Variants in SLC35F2 observed in about 807,000 individuals in gnomAD.
SLC35F2 encodes the protein queuine/queuosine transporter SLC35F2.
A neutral mutation model predicts 38.1 loss-of-function variants in SLC35F2; 25 were observed. That is an observed-to-expected ratio of 0.66 (90% CI 0.48 to 0.92). The LOEUF (loss-of-function observed/expected upper bound fraction) is 0.92. Ranked by LOEUF, SLC35F2 falls within the 40% of genes least tolerant of loss-of-function variation. SLC35F2 has a pLI of 0.00. For missense variants in SLC35F2, 409 were observed against 452.9 expected (o/e 0.90, Z 0.88); for synonymous variants, 173 against 181.7 (o/e 0.95, Z 0.38).
chr11:107,850,897 C>T (rs1388223263), intron 1 of SLC35F2, among the ~76,000 whole-genome samples: 1 of 152,014 alleles, frequency 6.6e-6, no homozygotes, highest in Non-Finnish European at 1.5e-5. Context: ...CCTGTAATCC[C>T]AGCACTTTGG....
At chr11:107,828,053 G>A in intron 1 of SLC35F2, among the ~76,000 whole-genome samples, 1 of 152,150 alleles carries the variant, frequency 6.6e-6, no homozygotes, top group East Asian at 1.9e-4. Flanking sequence ...AGAAAACTAA[G>A]GATTGAATCT....
chr11:107,818,230 G>A (rs1380149921), intron 1 of SLC35F2, among the ~76,000 whole-genome samples: 1 of 151,938 alleles, frequency 6.6e-6, no homozygotes, highest in Non-Finnish European at 1.5e-5. Flanking sequence ...CCAGGAGTTT[G>A]AGACCAGCTC....
intron 1 of SLC35F2, among the ~76,000 whole-genome samples, chr11:107,852,702 T>C (rs1341355569): frequency 2.0e-5 from 3 of 151,108 alleles, no homozygotes; most frequent in African/African-American, 7.3e-5. Flanking sequence ...CAAAACCCTG[T>C]CTCTACAAAA....
intron 1 of SLC35F2, among the ~76,000 whole-genome samples, chr11:107,825,650 G>A (rs958162001): frequency 6.6e-5 from 10 of 151,916 alleles, no homozygotes; most frequent in African/African-American, 2.4e-4. Context: ...GATTACAGTC[G>A]TGAGCCACCG....
chr11:107,856,446 C>T (rs1435763191), intron 1 of SLC35F2, among the ~76,000 whole-genome samples: 1 of 151,950 alleles, frequency 6.6e-6, no homozygotes, highest in African/African-American at 2.4e-5. Context: ...TGTAATCCCA[C>T]TACTTTGGGA....
intron 7 of SLC35F2, 129 bp from the exon 8 acceptor site, chr11:107,792,929 CTTTT>C: frequency 5.0e-6 from 4 of 795,712 alleles, no homozygotes; most frequent in Non-Finnish European, 6.7e-6. Flanking sequence ...TTCTTTCTTT[CTTTT>C]TAAGACAGGG....
At chr11:107,839,802 C>T (rs183194999) in intron 1 of SLC35F2, among the ~76,000 whole-genome samples, 61 of 152,108 alleles carry the variant, frequency 4.0e-4, no homozygotes, top group African/African-American at 1.4e-3. Flanking sequence ...TACAGGCATG[C>T]GCCACCACGC....
chr11:107,797,780 G>T (rs1306519487), intron 7 of SLC35F2, among the ~76,000 whole-genome samples: 1 of 152,008 alleles, frequency 6.6e-6, no homozygotes, highest in Admixed American at 6.6e-5. Flanking sequence ...TGGATTAAAT[G>T]ATAATGCAAA....
chr11:107,817,796 C>A (rs183574578), intron 1 of SLC35F2, among the ~76,000 whole-genome samples: 2 of 151,974 alleles, frequency 1.3e-5, no homozygotes, highest in Admixed American at 6.6e-5. Context: ...CGGTGGCTCA[C>A]GCTTGTAATC....
intron 3 of SLC35F2, among the ~76,000 whole-genome samples, chr11:107,807,756 G>A (rs1309090305): frequency 6.6e-6 from 1 of 152,094 alleles, no homozygotes; most frequent in East Asian, 1.9e-4. Flanking sequence ...GTATCTTTTA[G>A]TAGAGATGGG....
At chr11:107,851,489 TA>T (rs34329358) in intron 1 of SLC35F2, among the ~76,000 whole-genome samples, 8 of 124,696 alleles carry the variant, frequency 6.4e-5, no homozygotes, top group African/African-American at 9.1e-5. Context: ...AAAAATAAAT[TA>T]AAAAAAAAAA....
intron 1 of SLC35F2, among the ~76,000 whole-genome samples, chr11:107,841,982 C>T (rs1055583189): frequency 9.2e-5 from 14 of 151,366 alleles, no homozygotes; most frequent in Non-Finnish European, 1.5e-4. Context: ...AGGAGAATTG[C>T]GTGAACCCAG....
chr11:107,827,748 C>CAA (rs34012776), intron 1 of SLC35F2, among the ~76,000 whole-genome samples: 6,023 of 130,560 alleles, frequency 0.046, 173 homozygotes, highest in Non-Finnish European at 0.072. Flanking sequence ...GACTCTGTCT[C>CAA]AAAAAAAAAA....
intron 1 of SLC35F2, among the ~76,000 whole-genome samples, chr11:107,832,908 T>C (rs116753999): frequency 0.01 from 1,545 of 152,280 alleles, 40 homozygotes; most frequent in African/African-American, 0.036. Flanking sequence ...GTTTAATCCT[T>C]GTGGCTAATT....
intron 1 of SLC35F2, among the ~76,000 whole-genome samples, chr11:107,846,753 C>T (rs1448918293): frequency 6.6e-6 from 1 of 151,984 alleles, no homozygotes; most frequent in African/African-American, 2.4e-5. Flanking sequence ...CCAACACGGT[C>T]AAACCCTCTC....
intron 1 of SLC35F2, among the ~76,000 whole-genome samples, chr11:107,821,834 C>A (rs1005144194): frequency 2.6e-5 from 4 of 152,302 alleles, no homozygotes; most frequent in African/African-American, 9.6e-5. Context: ...ACACAGCAAA[C>A]AAGAGTTATG....
intron 1 of SLC35F2, among the ~76,000 whole-genome samples, chr11:107,833,574 T>C (rs1429908757): frequency 6.6e-6 from 1 of 151,210 alleles, no homozygotes; most frequent in Non-Finnish European, 1.5e-5. Context: ...CTGATGCTGT[T>C]CAAAAGTATC....
intron 1 of SLC35F2, among the ~76,000 whole-genome samples, chr11:107,850,912 T>C (rs1860171700): frequency 2.0e-5 from 3 of 150,446 alleles, no homozygotes; most frequent in Admixed American, 1.3e-4. Context: ...CTTTGGGAGG[T>C]TGAGATGGGT....
intron 1 of SLC35F2, among the ~76,000 whole-genome samples, chr11:107,849,428 CAGG>C (rs1159451083): frequency 6.6e-6 from 1 of 152,148 alleles, no homozygotes; most frequent in Non-Finnish European, 1.5e-5. Flanking sequence ...CACCTGAAGT[CAGG>C]AGTTTGAGAC....
Sources: gnomAD v4.1 joint callset for allele counts (sites outside exome capture counted in the v4.1 genomes callset) on GRCh38, gnomAD v4.1.1 for gene constraint, MANE v1.5 for transcripts, NCBI Gene and HGNC (gene_info 2026-07-23, HGNC 2026-07-21) for gene names.